SLC44A5: variants seen among roughly 807,000 people sequenced by gnomAD.
The protein encoded by SLC44A5 is solute carrier family 44 member 5.
A neutral mutation model predicts 101.8 loss-of-function variants in SLC44A5; 57 were observed. The observed-to-expected ratio is 0.56, with a 90% CI of 0.45 to 0.70. SLC44A5 has a LOEUF of 0.70. Ranked by LOEUF, SLC44A5 falls within the 30% of genes least tolerant of loss-of-function variation. The pLI, the probability that SLC44A5 is intolerant of heterozygous loss-of-function variation, is 0.00. For synonymous variants in SLC44A5, 281 were observed against 290.9 expected (o/e 0.97, Z 0.35); for missense variants, 737 against 853.1 (o/e 0.86, Z 1.70).
the SLC44A5 span, among the ~76,000 whole-genome samples, chr1:75,654,537 G>A: frequency 6.6e-6 from 1 of 152,096 alleles, no homozygotes; most frequent in Admixed American, 6.6e-5. Context: ...CATGATAAAA[G>A]GGTCATTAAG....
At chr1:75,464,236 A>G (rs1240361419) in intron 2 of SLC44A5, among the ~76,000 whole-genome samples, 1 of 151,174 alleles carries the variant, frequency 6.6e-6, no homozygotes, top group Non-Finnish European at 1.5e-5. Flanking sequence ...AAAAAAAAAA[A>G]AAAAAAAGCA....
chr1:75,678,202 C>T, the SLC44A5 span, among the ~76,000 whole-genome samples: 1 of 152,184 alleles, frequency 6.6e-6, no homozygotes, highest in Non-Finnish European at 1.5e-5. Flanking sequence ...CCCACCAATG[C>T]CCAGGCTTGC....
chr1:75,492,401 G>T (rs905807948), intron 2 of SLC44A5, among the ~76,000 whole-genome samples: 1 of 152,012 alleles, frequency 6.6e-6, no homozygotes, highest in Admixed American at 6.6e-5. Context: ...TCCACTATTT[G>T]CCCAGTGGCT....
intron 2 of SLC44A5, among the ~76,000 whole-genome samples, chr1:75,469,740 A>G (rs1344867567): frequency 6.6e-6 from 1 of 151,998 alleles, no homozygotes; most frequent in Non-Finnish European, 1.5e-5. Context: ...TGTCTGAACG[A>G]TAAGTAAATA....
chr1:75,412,903 A>C (rs1663376838), intron 2 of SLC44A5, among the ~76,000 whole-genome samples: 7 of 152,236 alleles, frequency 4.6e-5, no homozygotes, highest in Admixed American at 1.3e-4. Context: ...ATCCAGGATC[A>C]CCCAAAGCAG....
intron 2 of SLC44A5, among the ~76,000 whole-genome samples, chr1:75,416,606 C>T (rs1020404688): frequency 6.6e-6 from 1 of 152,182 alleles, no homozygotes; most frequent in Admixed American, 6.5e-5. Flanking sequence ...ACAGCTTGCA[C>T]TGTGTGCCTG....
chr1:75,233,257 T>C (rs112383233), intron 12 of SLC44A5, among the ~76,000 whole-genome samples: 77 of 152,196 alleles, frequency 5.1e-4, no homozygotes, highest in Non-Finnish European at 2.1e-4. Flanking sequence ...TTGTGTTATA[T>C]GTATATATTG....
intron 2 of SLC44A5, among the ~76,000 whole-genome samples, chr1:75,432,497 A>C (rs528581503): frequency 6.6e-6 from 1 of 152,314 alleles, no homozygotes; most frequent in East Asian, 1.9e-4. Flanking sequence ...TATGTGTATC[A>C]TTATACATTC....
At chr1:75,269,895 C>A (rs1339540462) in intron 6 of SLC44A5, among the ~76,000 whole-genome samples, 1 of 152,140 alleles carries the variant, frequency 6.6e-6, no homozygotes, top group Non-Finnish European at 1.5e-5. Flanking sequence ...TGGGAGGGAA[C>A]CCGTGGGAGA....
Position 75,220,030 on chromosome 1 carries a change from A to G in SLC44A5, c.1086-138T>C, listed in dbSNP as rs112170567. 9 of 505,144 alleles carry G rather than the reference A, an allele frequency of 1.8e-5. No homozygotes were observed. In the Admixed American group the frequency reaches 3.2e-4, roughly 18 times the overall value. 31.3% of individuals were successfully genotyped at this position (505,144 alleles called of 1,614,324 possible). ...CTGGCATATTCTCAGTTGGTTTTACATTTTTATTTATTTATTTACTTTTTT... is the reference window on the plus strand; with the variant it reads ...CTGGCATATTCTCAGTTGGTTTTACGTTTTTATTTATTTATTTACTTTTTT... On this transcript the variant is annotated intron_variant, in intron 14 of 23. Transcript: ENST00000370859.
At chr1:75,441,402 T>C (rs1665188635) in intron 2 of SLC44A5, among the ~76,000 whole-genome samples, 1 of 151,982 alleles carries the variant, frequency 6.6e-6, no homozygotes, top group African/African-American at 2.4e-5. Flanking sequence ...GTATCACCTT[T>C]ACATGAGAAC....
In SLC44A5 at chr1:75,538,143, T is replaced by C. The variant is rs1261107562; in HGVS notation, c.13+3292A>G. On this transcript the variant is annotated intron_variant, in intron 2 of 23. Coordinates refer to ENST00000370859, the MANE Select transcript of SLC44A5 (RefSeq NM_001130058.2). ...ACAGGAGTGAGACCAACCACAGAAG[T>C]AGAATAGAACATCCAAGAATAAACA... 3.3e-5 allele frequency: 5 copies of C among 152,294 alleles called. No homozygotes were observed. The East Asian group carries it at 9.7e-4, about 29-fold the overall frequency. The allele number at this position is 152,294 out of a possible 1,614,324, so 9.4% of individuals were successfully genotyped here.
chr1:75,406,998 A>T (rs2101479658), intron 2 of SLC44A5, among the ~76,000 whole-genome samples: 1 of 152,324 alleles, frequency 6.6e-6, no homozygotes, highest in African/African-American at 2.4e-5. Flanking sequence ...GCTGATAAGC[A>T]ACTTCAGGAA....
chr1:75,598,828 AGGCTTAACAC>A (rs1276619278), intron 1 of SLC44A5, among the ~76,000 whole-genome samples: 1 of 152,188 alleles, frequency 6.6e-6, no homozygotes, highest in Non-Finnish European at 1.5e-5. Context: ...AGTGGGTACT[AGGCTTAACAC>A]CTGGGTGATG....
chr1:75,317,101 T>C lies in SLC44A5; in HGVS notation c.102-16416A>G, dbSNP rs554803718. Among the ~76,000 whole-genome samples the C allele has an allele frequency of 7.2e-5, 11 of 152,344 alleles. No homozygotes were observed. In the South Asian group the frequency reaches 2.3e-3, roughly 32 times the overall value. On this transcript the variant is annotated intron_variant, in intron 4 of 23. Transcript: ENST00000370859. ...AAACTTCAAGTGAGCACTTAGGATA[T>C]TGCATATTTTAAAAGTACGATTTTA...
chr1:75,209,753 A>C (rs2100442084), intron 23 of SLC44A5, among the ~76,000 whole-genome samples: 1 of 152,254 alleles, frequency 6.6e-6, no homozygotes, highest in Middle Eastern at 3.4e-3. Flanking sequence ...CCCAGTGTGA[A>C]GTTGGTGCTG....
At chr1:75,206,804 G>A (rs1415950288) in intron 23 of SLC44A5, 1 of 713,806 alleles carries the variant, frequency 1.4e-6, no homozygotes, top group Non-Finnish European at 2.4e-6. Flanking sequence ...GTCGAACAGG[G>A]AAAAATCAGA....
intron 1 of SLC44A5, among the ~76,000 whole-genome samples, chr1:75,551,009 G>C (rs768225888): frequency 6.6e-6 from 1 of 152,122 alleles, no homozygotes; most frequent in Non-Finnish European, 1.5e-5. Flanking sequence ...AAGAAGTTAG[G>C]TAATTGATGT....
intron 3 of SLC44A5, among the ~76,000 whole-genome samples, chr1:75,360,075 T>C (rs1659376972): frequency 6.6e-6 from 1 of 152,188 alleles, no homozygotes; most frequent in Non-Finnish European, 1.5e-5. Flanking sequence ...AAATTTCTTA[T>C]CAGATGTATG....
Sources: allele counts gnomAD v4.1 joint callset (sites outside exome capture counted in the v4.1 genomes callset), GRCh38; gene constraint gnomAD v4.1.1; transcripts MANE v1.5; gene names NCBI Gene and HGNC (gene_info 2026-07-23, HGNC 2026-07-21).